The following ACAD11 variants were observed in gnomAD, a reference collection of about 807,000 sequenced individuals.
ACAD11 encodes the protein acyl-Coenzyme A dehydrogenase family, member 11.
A neutral mutation model predicts 102.2 loss-of-function variants in ACAD11; 83 were observed. That is an observed-to-expected ratio of 0.81 (90% confidence interval 0.68 to 0.97). The LOEUF (loss-of-function observed/expected upper bound fraction) is 0.97, where lower values mean the gene tolerates loss of function less well. Ranked by LOEUF, ACAD11 falls within the 50% of genes least tolerant of loss-of-function variation. The probability of loss-of-function intolerance (pLI) is 0.00; values close to 1 mark genes in which losing one functional copy is unlikely to be tolerated. For synonymous variants in ACAD11, 324 were observed against 319.8 expected (o/e 1.01, Z -0.14); for missense variants, 901 against 951.7 (o/e 0.95, Z 0.70).
chr3:132,577,249 TGAAGTACAA>T (rs1937536802), intron 15 of ACAD11, among the ~76,000 whole-genome samples: 1 of 152,144 alleles, frequency 6.6e-6, no homozygotes, highest in African/African-American at 2.4e-5. Flanking sequence ...ATTCATTCTC[TGAAGTACAA>T]TTTCAGAGAG....
At chr3:132,593,047 C>A (rs1485960226) in intron 13 of ACAD11, among the ~76,000 whole-genome samples, 4 of 150,562 alleles carry the variant, frequency 2.7e-5, no homozygotes, top group Non-Finnish European at 5.9e-5. Flanking sequence ...TTAAAAAAAA[C>A]CAAGACATAA....
chr3:132,614,063 C>G (rs1939292002), intron 11 of ACAD11, among the ~76,000 whole-genome samples: 1 of 152,132 alleles, frequency 6.6e-6, no homozygotes, highest in African/African-American at 2.4e-5. Context: ...TGAGTGAACT[C>G]CCATTCACAA....
At position 132,619,536 on chromosome 3, in the gene ACAD11, C is replaced by T; in HGVS notation, c.1207G>A (p.Glu403Lys). ...HILPAEKEVT[E>K]FYVQNENSVD... The stretch of plus-strand genomic sequence containing the variant: ...GAATTTTCATTTTGAACATAGAACT[C>T]AGTTACCTCCTTAAAGTAATAAAAG... Residue 403 changes from glutamate to lysine, a missense_variant, in exon 10 of 20, where the codon GAG (glutamate) becomes AAG (lysine). Coordinates refer to ENST00000264990, the MANE Select transcript of ACAD11 (RefSeq NM_032169.5). 6.3e-7 allele frequency: 1 copy of T among 1,583,610 alleles called. No homozygotes were observed. Among genetic ancestry groups the T allele is most frequent in the Non-Finnish European group, 8.6e-7 (1 of 1,166,162 alleles).
intron 11 of ACAD11, among the ~76,000 whole-genome samples, chr3:132,613,609 C>T (rs1308101614): frequency 6.6e-6 from 1 of 151,934 alleles, no homozygotes; most frequent in Non-Finnish European, 1.5e-5. Context: ...TTAGAAAACC[C>T]CATCATTGGC....
chr3:132,628,664 A>G (rs189485120), intron 7 of ACAD11, among the ~76,000 whole-genome samples: 1 of 152,168 alleles, frequency 6.6e-6, no homozygotes, highest in Admixed American at 6.5e-5. Context: ...TCCTAACATA[A>G]TTCTAATTTA....
chr3:132,642,218 C>G, intron 3 of ACAD11, 85 bp from the exon 4 acceptor site: 1 of 1,301,438 alleles, frequency 7.7e-7, no homozygotes, highest in Non-Finnish European at 1.1e-6. Context: ...ATTTGTGAAA[C>G]ATATTTAATA....
At chr3:132,656,619 G>A (rs1280542755) in intron 1 of ACAD11, among the ~76,000 whole-genome samples, 16 of 151,414 alleles carry the variant, frequency 1.1e-4, no homozygotes, top group Admixed American at 7.9e-4. Flanking sequence ...TCAGCCTCCC[G>A]AGTAGCTGGG....
intron 1 of ACAD11, among the ~76,000 whole-genome samples, chr3:132,645,672 T>C (rs561596216): frequency 3.3e-5 from 5 of 152,086 alleles, no homozygotes; most frequent in South Asian, 2.1e-4. Context: ...TAGGAGAAAG[T>C]AGAAAAAAAA....
intron 11 of ACAD11, among the ~76,000 whole-genome samples, chr3:132,617,747 C>T (rs1386548090): frequency 6.6e-6 from 1 of 152,198 alleles, no homozygotes; most frequent in African/African-American, 2.4e-5. Context: ...ATAAGCCCCT[C>T]TTATTTGCCC....
intron 17 of ACAD11, among the ~76,000 whole-genome samples, chr3:132,565,389 C>T (rs1308703704): frequency 6.6e-6 from 1 of 152,136 alleles, no homozygotes; most frequent in Non-Finnish European, 1.5e-5. Context: ...TCTTCAGGTA[C>T]TGATGGAAGC....
intron 13 of ACAD11, among the ~76,000 whole-genome samples, chr3:132,593,906 A>G (rs1238370036): frequency 6.6e-6 from 1 of 152,228 alleles, no homozygotes; most frequent in Admixed American, 6.5e-5. Context: ...AGAAGCATCA[A>G]GTAAGTACTT....
intron 19 of ACAD11, 75 bp from the exon 20 acceptor site, chr3:132,559,160 G>A (rs905980932): frequency 1.3e-5 from 13 of 999,106 alleles, no homozygotes; most frequent in Admixed American, 1.9e-5. Flanking sequence ...CAGTCACTCT[G>A]ATTGTCAACC....
At chr3:132,586,452 T>C (rs1028534256) in intron 13 of ACAD11, among the ~76,000 whole-genome samples, 2 of 151,868 alleles carry the variant, frequency 1.3e-5, no homozygotes, top group Non-Finnish European at 2.9e-5. Flanking sequence ...GTAACAAACC[T>C]AGACGTTGTG....
intron 13 of ACAD11, among the ~76,000 whole-genome samples, chr3:132,594,222 T>C (rs1938204977): frequency 1.3e-5 from 2 of 152,150 alleles, no homozygotes; most frequent in African/African-American, 4.8e-5. Flanking sequence ...GATGTAAAGA[T>C]TATAGCATTA....
At chr3:132,609,717 T>TACCC (rs1358657978) in intron 11 of ACAD11, among the ~76,000 whole-genome samples, 4 of 152,180 alleles carry the variant, frequency 2.6e-5, no homozygotes, top group African/African-American at 9.7e-5. Flanking sequence ...GAGGAGCTGG[T>TACCC]ACCCTTCCTT....
intron 1 of ACAD11, among the ~76,000 whole-genome samples, chr3:132,657,500 A>G (rs1937870407): frequency 6.6e-6 from 1 of 152,230 alleles, no homozygotes; most frequent in African/African-American, 2.4e-5. Context: ...ATTGCTTTGA[A>G]TCAATAGATC....
rs754559908 is a variant in ACAD11, at chr3:132,641,973, T to C, written c.536A>G (p.Gln179Arg). 1.3e-6 allele frequency: 2 copies of C among 1,596,880 alleles called. No homozygotes were observed. Among genetic ancestry groups the C allele is most frequent in the African/African-American group, 1.3e-5 (1 of 74,530 alleles). ...YGIGAGYCKR[Q>R]VSTWTKQYQA... ...TAGCTATTAATGTGGATGCATTACC[T>C]GTCTTTTGCAGTACCCAGCACCTAT... The change falls in exon 4 of 20, where the codon CAG becomes CGG. Residue 179 changes from glutamine to arginine, a missense_variant and splice_region_variant. Gln to Arg is a conservative substitution (Grantham distance 43). Coordinates refer to ENST00000264990, the MANE Select transcript of ACAD11 (RefSeq NM_032169.5).
chr3:132,619,348 T>C (rs549917198), intron 10 of ACAD11, 120 bp downstream of exon 10: 1 of 583,462 alleles, frequency 1.7e-6, no homozygotes, highest in African/African-American at 1.9e-5. Context: ...TTTCTTTTTT[T>C]AAAGGTTATT....
At chr3:132,646,318 C>A (rs1237860944) in intron 1 of ACAD11, 1 of 152,186 alleles carries the variant, frequency 6.6e-6, no homozygotes, top group African/African-American at 2.4e-5. Context: ...TGATTGGATG[C>A]ATTTTTGATG....
Sources: allele counts gnomAD v4.1 joint callset (sites outside exome capture counted in the v4.1 genomes callset), GRCh38; gene constraint gnomAD v4.1.1; transcripts MANE v1.5; gene names NCBI Gene and HGNC (gene_info 2026-07-23, HGNC 2026-07-21).